The following NCAM2 variants were observed in gnomAD, a reference collection of about 807,000 sequenced individuals.
NCAM2 encodes N-CAM-2.
Under a neutral mutation model 98.1 loss-of-function variants are expected in NCAM2, and 30 were observed. That is an observed-to-expected ratio of 0.31 (90% CI 0.23 to 0.41). The LOEUF (loss-of-function observed/expected upper bound fraction) is 0.41, where lower values mean the gene tolerates loss of function less well. Among genes scored for constraint, NCAM2 ranks in the 10% least tolerant of loss-of-function variants. The pLI is 1.00. For synonymous variants in NCAM2, 368 were observed against 342.4 expected (o/e 1.07, Z -0.83); for missense variants, 867 against 1,005.8 (o/e 0.86, Z 1.87).
rs945437400 is a variant in NCAM2 at position 21,187,459 on chromosome 21, C to CAAA, written c.56-93117_56-93116insAAA. Among the ~76,000 whole-genome samples, 145 of 150,972 alleles carry CAAA rather than the reference C, an allele frequency of 9.6e-4. 1 individual carries two copies. Among genetic ancestry groups the CAAA allele is most frequent in the East Asian group, 8.7e-3 (44 of 5,084 alleles). ...TCTCCATCAACAACAACAACAACAA[C>CAAA]AACAAAAAAGGGAAATTCTATGTCA... On this transcript the variant is annotated intron_variant, in intron 1 of 17. Transcript: ENST00000400546.
At chr21:21,056,946 C>T (rs2065224503) in intron 1 of NCAM2, among the ~76,000 whole-genome samples, 1 of 151,894 alleles carries the variant, frequency 6.6e-6, no homozygotes, top group Admixed American at 6.6e-5. Context: ...ATATTATATA[C>T]CCTCTTTAAT....
chr21:21,089,154 C>T (rs747355645), intron 1 of NCAM2, among the ~76,000 whole-genome samples: 27 of 151,980 alleles, frequency 1.8e-4, no homozygotes, highest in African/African-American at 2.4e-4. Flanking sequence ...AGGATTACTT[C>T]GGAGAAGTTA....
intron 12 of NCAM2, among the ~76,000 whole-genome samples, chr21:21,451,847 AAC>A (rs1158230523): frequency 6.6e-6 from 1 of 152,080 alleles, no homozygotes; most frequent in African/African-American, 2.4e-5. Flanking sequence ...GTGACACAGA[AAC>A]ACATAGCAAA....
chr21:21,185,751 G>A (rs1367454260), intron 1 of NCAM2, among the ~76,000 whole-genome samples: 2 of 152,070 alleles, frequency 1.3e-5, no homozygotes, highest in African/African-American at 4.8e-5. Context: ...AGTGGTGAGT[G>A]TATTGTATCA....
intron 1 of NCAM2, among the ~76,000 whole-genome samples, chr21:21,006,705 C>T (rs2064119660): frequency 6.6e-6 from 1 of 152,150 alleles, no homozygotes; most frequent in Non-Finnish European, 1.5e-5. Flanking sequence ...GCTTTAAGAA[C>T]ATCTTGATTT....
At chr21:21,393,512 T>C (rs1311062389) in intron 9 of NCAM2, among the ~76,000 whole-genome samples, 1 of 152,196 alleles carries the variant, frequency 6.6e-6, no homozygotes, top group Non-Finnish European at 1.5e-5. Context: ...TTAAGAGATC[T>C]TTATTAACCT....
intron 1 of NCAM2, among the ~76,000 whole-genome samples, chr21:21,024,175 T>C (rs1042884607): frequency 6.6e-6 from 1 of 152,244 alleles, no homozygotes; most frequent in African/African-American, 2.4e-5. Flanking sequence ...GCATGAATGC[T>C]GACAATCTGA....
At chr21:21,381,184 A>G (rs1464081041) in intron 9 of NCAM2, among the ~76,000 whole-genome samples, 1 of 152,142 alleles carries the variant, frequency 6.6e-6, no homozygotes, top group Non-Finnish European at 1.5e-5. Context: ...TGGGCTACAT[A>G]CAGTCTCTGC....
intron 8 of NCAM2, among the ~76,000 whole-genome samples, chr21:21,362,402 T>A (rs1229309249): frequency 2.0e-5 from 3 of 152,088 alleles, no homozygotes; most frequent in Non-Finnish European, 4.4e-5. Context: ...CTTTTTTTTT[T>A]TTTTAAACCT....
chr21:21,425,564 T>A (rs1484478300), intron 11 of NCAM2, among the ~76,000 whole-genome samples: 1 of 152,000 alleles, frequency 6.6e-6, no homozygotes, highest in Admixed American at 6.6e-5. Flanking sequence ...AACACTGCTA[T>A]GGAGAATATT....
At chr21:21,270,337 A>G (rs1318175087) in intron 1 of NCAM2, among the ~76,000 whole-genome samples, 2 of 152,172 alleles carry the variant, frequency 1.3e-5, no homozygotes, top group Non-Finnish European at 2.9e-5. Context: ...CTACCACATA[A>G]GCACAGATTG....
intron 8 of NCAM2, among the ~76,000 whole-genome samples, chr21:21,355,930 G>A (rs190938205): frequency 6.6e-6 from 1 of 152,032 alleles, no homozygotes. Context: ...TCAAAGTAGG[G>A]ATAGTCACCT....
chr21:21,215,832 C>A (rs2069877550), intron 1 of NCAM2, among the ~76,000 whole-genome samples: 1 of 152,110 alleles, frequency 6.6e-6, no homozygotes. Flanking sequence ...GATGAAGATT[C>A]TTTTCATGAA....
At chr21:21,422,478 G>A (rs897988509) in intron 11 of NCAM2, among the ~76,000 whole-genome samples, 3 of 152,138 alleles carry the variant, frequency 2.0e-5, no homozygotes, top group African/African-American at 4.8e-5. Flanking sequence ...TGAAATGGAA[G>A]TAAAATGTAT....
chr21:21,024,010 TA>T (rs368066076), intron 1 of NCAM2, among the ~76,000 whole-genome samples: 38 of 152,346 alleles, frequency 2.5e-4, no homozygotes, highest in African/African-American at 9.1e-4. Flanking sequence ...TAAAAAGATG[TA>T]TAAACCCTGG....
chr21:21,197,033 G>A (rs753233552), intron 1 of NCAM2, among the ~76,000 whole-genome samples: 2 of 152,116 alleles, frequency 1.3e-5, no homozygotes, highest in Non-Finnish European at 2.9e-5. Context: ...GTAAAAGCTC[G>A]CTGAGACCTC....
At chr21:21,065,627 G>A (rs774420253) in intron 1 of NCAM2, among the ~76,000 whole-genome samples, 41 of 151,868 alleles carry the variant, frequency 2.7e-4, no homozygotes, top group Admixed American at 2.6e-4. Context: ...TCAATATACC[G>A]CAGGGTTTCT....
chr21:21,476,982 C>T (rs1048326343), intron 14 of NCAM2, among the ~76,000 whole-genome samples: 4 of 151,064 alleles, frequency 2.6e-5, no homozygotes, highest in African/African-American at 4.9e-5. Flanking sequence ...AACAAAATGG[C>T]CAAAAAACTA....
chr21:21,106,324 A>AAAAAAAAAAAAAAAAAAAAAC (rs1569029091), intron 1 of NCAM2, among the ~76,000 whole-genome samples: 2 of 151,042 alleles, frequency 1.3e-5, no homozygotes, highest in African/African-American at 4.9e-5. Context: ...CAAAAAAAAA[A>AAAAAAAAAAAAAAAAAAAAAC]AAAAAGGAAC....
Sources: allele counts gnomAD v4.1 joint callset (sites outside exome capture counted in the v4.1 genomes callset), GRCh38; gene constraint gnomAD v4.1.1; transcripts MANE v1.5; gene names NCBI Gene and HGNC (gene_info 2026-07-23, HGNC 2026-07-21).